The following CSMD1 variants were observed in gnomAD, a reference collection of about 807,000 sequenced individuals.
The protein encoded by CSMD1 is CUB and Sushi multiple domains 1, also known as CUB and sushi domain-containing protein 1.
A neutral mutation model predicts 417.5 loss-of-function variants in CSMD1; 213 were observed. The ratio of observed to expected loss-of-function variants is 0.51; its 90% CI spans 0.46 to 0.57. CSMD1 has a LOEUF of 0.57. CSMD1 is among the 20% of genes least tolerant of loss of function. The pLI is 0.00. For synonymous variants in CSMD1, 2,862 were observed against 1,736.8 expected, an observed-to-expected ratio of 1.65 and a Z score of -16.11; for missense variants, 6,923 against 4,529.7, an observed-to-expected ratio of 1.53 and a Z score of -15.17.
chr8:3,240,862 G>A (rs1202934909), intron 26 of CSMD1, among the ~76,000 whole-genome samples: 1 of 152,068 alleles, frequency 6.6e-6, no homozygotes, highest in East Asian at 1.9e-4. Flanking sequence ...TAAAACGGGG[G>A]AATTGTAAGG....
rs554900362 is a variant in CSMD1 at position 3,869,865 on chromosome 8, C to G, written c.819-115823G>C. ...TCCATGCTTTTATGAATTATCCTTA[C>G]TGATCTAATTTTGTATCAGTAGTGC... On this transcript the variant is annotated intron_variant, in intron 5 of 69. Transcript: ENST00000635120. Among the ~76,000 whole-genome samples, 13 of 151,980 alleles carry G rather than the reference C, an allele frequency of 8.6e-5. No homozygotes were observed. The East Asian group carries it at 2.5e-3, about 29-fold the overall frequency.
At chr8:4,397,001 C>T (rs1275314544) in intron 3 of CSMD1, among the ~76,000 whole-genome samples, 4 of 151,714 alleles carry the variant, frequency 2.6e-5, no homozygotes, top group African/African-American at 9.7e-5. Context: ...TAACCAAACA[C>T]CATCTGTTCC....
chr8:4,324,736 G>C (rs1029373070), intron 3 of CSMD1, among the ~76,000 whole-genome samples: 4 of 152,148 alleles, frequency 2.6e-5, no homozygotes, highest in African/African-American at 7.2e-5. Context: ...TATGGATGAA[G>C]GGTTTCAGTT....
At chr8:4,912,518 G>A (rs1312420548) in intron 1 of CSMD1, among the ~76,000 whole-genome samples, 1 of 152,174 alleles carries the variant, frequency 6.6e-6, no homozygotes, top group African/African-American at 2.4e-5. Flanking sequence ...CATGCCAGAT[G>A]CCCCATAAGC....
chr8:3,623,068 T>A (rs9650508), intron 7 of CSMD1, among the ~76,000 whole-genome samples: 5 of 151,800 alleles, frequency 3.3e-5, no homozygotes, highest in Admixed American at 1.3e-4. Flanking sequence ...ATCAATAGAT[T>A]GGTTCATTAC....
intron 8 of CSMD1, among the ~76,000 whole-genome samples, chr8:3,612,519 T>C (rs1801944424): frequency 6.6e-6 from 1 of 152,126 alleles, no homozygotes; most frequent in Non-Finnish European, 1.5e-5. Flanking sequence ...TTTCAAGTGG[T>C]CATGGAACAT....
chr8:4,890,143 T>C lies in CSMD1; in HGVS notation c.85+104189A>G, dbSNP rs965507963. Among the ~76,000 whole-genome samples the C allele has an allele frequency of 1.2e-4, 19 of 152,212 alleles. 2 individuals carry two copies. The highest frequency in any genetic ancestry group is 4.3e-4 in the African/African-American group (18 of 41,488). On this transcript the variant is annotated intron_variant, in intron 1 of 69. Transcript: ENST00000635120. ...GATGGCCTCTAGAAAAATCCCATTT[T>C]CCCCTTAATTTTGTTTTAAAGAAAT...
At chr8:4,497,983 G>A (rs1211534680) in intron 2 of CSMD1, among the ~76,000 whole-genome samples, 3 of 152,106 alleles carry the variant, frequency 2.0e-5, no homozygotes, top group Admixed American at 6.6e-5. Context: ...CGACGTCTGC[G>A]TGTAAAATGA....
intron 10 of CSMD1, among the ~76,000 whole-genome samples, chr8:3,532,480 T>C (rs1798023536): frequency 6.6e-6 from 1 of 152,128 alleles, no homozygotes. Flanking sequence ...TTGCCTGGTT[T>C]TTACCTCTCC....
chr8:4,482,414 A>T (rs1801149392), intron 2 of CSMD1, among the ~76,000 whole-genome samples: 1 of 152,188 alleles, frequency 6.6e-6, no homozygotes, highest in Non-Finnish European at 1.5e-5. Context: ...GCTCCTGCAA[A>T]GGACATGATC....
At chr8:3,409,337 A>G (rs1482781583) in intron 13 of CSMD1, 86 bp downstream of exon 13, 4 of 1,278,718 alleles carry the variant, frequency 3.1e-6, no homozygotes, top group Admixed American at 2.8e-5. Context: ...CCCTCCCTAA[A>G]TGGGCGGTCT....
At chr8:3,672,627 T>A (rs1585052741) in intron 7 of CSMD1, among the ~76,000 whole-genome samples, 1 of 152,348 alleles carries the variant, frequency 6.6e-6, no homozygotes, top group East Asian at 1.9e-4. Context: ...AGGTATTTAC[T>A]TTTTCATCCG....
chr8:4,782,171 G>C (rs143933672), intron 1 of CSMD1, among the ~76,000 whole-genome samples: 9 of 152,264 alleles, frequency 5.9e-5, no homozygotes, highest in African/African-American at 1.9e-4. Flanking sequence ...CAGTTAGGAA[G>C]AAAGAGTTCT....
intron 3 of CSMD1, among the ~76,000 whole-genome samples, chr8:4,135,846 A>AT (rs527335653): frequency 4.3e-4 from 65 of 152,242 alleles, no homozygotes; most frequent in Middle Eastern, 3.4e-3. Context: ...ACAAATTGGC[A>AT]TTTTTTTAAA....
At chr8:3,990,193 G>A (rs1229687065) in intron 5 of CSMD1, among the ~76,000 whole-genome samples, 4 of 152,172 alleles carry the variant, frequency 2.6e-5, no homozygotes, top group South Asian at 4.1e-4. Context: ...AAAGAAAGAA[G>A]TGTGATTACA....
Position 3,359,172 on chromosome 8 carries a change from G to T in CSMD1, c.3284C>A (p.Ala1095Glu), listed in dbSNP as rs775393205. ...CCTACCCACACACCTTGGCAGAGGTGCACTCCACACACGGCGGCCCCCACC... is the reference window on the plus strand; with the variant it reads ...CCTACCCACACACCTTGGCAGAGGTTCACTCCACACACGGCGGCCCCCACC... ...CLGGGRRVWS[A>E]PLPRCVAECG... The change falls in exon 21 of 70, where the codon GCA (alanine) becomes GAA (glutamate). Residue 1095 changes from alanine to glutamate, a missense_variant. Physicochemically the swap from Ala to Glu is moderately radical, Grantham distance 107. Coordinates refer to ENST00000635120, the MANE Select transcript of CSMD1 (RefSeq NM_033225.6). 1.6e-5 allele frequency: 26 copies of T among 1,613,960 alleles called. No individual in the cohort carries two copies. The highest frequency in any genetic ancestry group is 2.1e-5 in the Non-Finnish European group (25 of 1,179,948).
intron 1 of CSMD1, among the ~76,000 whole-genome samples, chr8:4,699,239 C>G (rs918476927): frequency 6.6e-6 from 1 of 152,162 alleles, no homozygotes; most frequent in Non-Finnish European, 1.5e-5. Flanking sequence ...TAAAGGATAA[C>G]TTTCAAAGAG....
intron 1 of CSMD1, among the ~76,000 whole-genome samples, chr8:4,678,084 ACT>A (rs2130967387): frequency 6.6e-6 from 1 of 152,130 alleles, no homozygotes; most frequent in South Asian, 2.1e-4. Context: ...AATTAAAGGA[ACT>A]CTCTTATCAA....
intron 49 of CSMD1, among the ~76,000 whole-genome samples, chr8:3,082,036 C>A (rs1419997741): frequency 6.6e-6 from 1 of 152,172 alleles, no homozygotes; most frequent in African/African-American, 2.4e-5. Context: ...CATATGTCAT[C>A]CCAGATTTAT....
Sources: allele counts gnomAD v4.1 joint callset (sites outside exome capture counted in the v4.1 genomes callset), GRCh38; gene constraint gnomAD v4.1.1; transcripts MANE v1.5; gene names NCBI Gene and HGNC (gene_info 2026-07-23, HGNC 2026-07-21).